The following C12orf42 variants were observed in gnomAD, a reference collection of about 807,000 sequenced individuals.
C12orf42 encodes the protein uncharacterized protein C12orf42.
A neutral mutation model predicts 21.6 loss-of-function variants in C12orf42; 25 were observed. The ratio of observed to expected loss-of-function variants is 1.16; its 90% confidence interval spans 0.84 to 1.62. The LOEUF is 1.62. C12orf42 is among the 40% of genes most tolerant of loss of function. C12orf42 has a pLI of 0.00. For synonymous variants in C12orf42, 174 were observed against 175.0 expected, an observed-to-expected ratio of 0.99 and a Z score of 0.05; for missense variants, 483 against 459.3, an observed-to-expected ratio of 1.05 and a Z score of -0.47.
At chr12:103,232,584 G>A in the C12orf42 span, among the ~76,000 whole-genome samples, 24 of 151,848 alleles carry the variant, frequency 1.6e-4, no homozygotes, top group African/African-American at 5.3e-4. Context: ...GGTGGCAGGC[G>A]CCTGTAGTCC....
chr12:103,283,489 G>T (rs1055139629), intron 4 of C12orf42, among the ~76,000 whole-genome samples: 4 of 152,180 alleles, frequency 2.6e-5, no homozygotes, highest in African/African-American at 9.7e-5. Flanking sequence ...GGCACTTGGG[G>T]TCTGGCCTCC....
the C12orf42 span, among the ~76,000 whole-genome samples, chr12:103,062,942 T>C: frequency 2.0e-5 from 3 of 152,174 alleles, no homozygotes; most frequent in Non-Finnish European, 2.9e-5. Flanking sequence ...CTGCTTAATA[T>C]GATTAGACCG....
chr12:103,480,586 A>T (rs2138052710), intron 1 of C12orf42, among the ~76,000 whole-genome samples: 1 of 151,744 alleles, frequency 6.6e-6, no homozygotes, highest in East Asian at 1.9e-4. Flanking sequence ...TTCTAATACT[A>T]CTTTCCCTGC....
chr12:103,503,424 C>T, the C12orf42 span: 1 of 152,266 alleles, frequency 6.6e-6, no homozygotes, highest in African/African-American at 2.4e-5. Flanking sequence ...AGCCCACAGA[C>T]CCAGCCTGCG....
At chr12:103,458,973 G>A (rs1293975558) in intron 2 of C12orf42, among the ~76,000 whole-genome samples, 1 of 150,922 alleles carries the variant, frequency 6.6e-6, no homozygotes, top group Non-Finnish European at 1.5e-5. Flanking sequence ...AAACGTATTA[G>A]GGGAAACATC....
chr12:103,496,183 G>A (rs1232970772), upstream of C12orf42, among the ~76,000 whole-genome samples: 1 of 152,164 alleles, frequency 6.6e-6, no homozygotes, highest in South Asian at 2.1e-4. Context: ...CTGTTCTTCC[G>A]GGGGCGGCAA....
the C12orf42 span, among the ~76,000 whole-genome samples, chr12:103,202,808 G>A: frequency 3.3e-5 from 5 of 152,172 alleles, no homozygotes; most frequent in East Asian, 1.9e-4. Context: ...CATTGACATA[G>A]TAAGTGGTGA....
chr12:103,434,025 C>A (rs1403327760), intron 2 of C12orf42, among the ~76,000 whole-genome samples: 1 of 152,130 alleles, frequency 6.6e-6, no homozygotes, highest in Non-Finnish European at 1.5e-5. Flanking sequence ...CTCTACCAAA[C>A]ATGGCAGGTT....
the C12orf42 span, among the ~76,000 whole-genome samples, chr12:103,143,946 A>C: frequency 6.6e-6 from 1 of 152,222 alleles, no homozygotes; most frequent in Non-Finnish European, 1.5e-5. Flanking sequence ...ACTGCTGCTA[A>C]TCATCATTAT....
chr12:103,179,170 T>G, the C12orf42 span, among the ~76,000 whole-genome samples: 6 of 152,350 alleles, frequency 3.9e-5, no homozygotes, highest in Admixed American at 6.5e-5. Context: ...CAGTGAACAT[T>G]TTTATTGAAC....
chr12:103,189,077 A>C, the C12orf42 span, among the ~76,000 whole-genome samples: 7 of 152,236 alleles, frequency 4.6e-5, no homozygotes, highest in Non-Finnish European at 7.3e-5. Flanking sequence ...TGTGACTTAC[A>C]AAAGAAACGA....
At chr12:103,343,283 T>G (rs1157592262) in intron 4 of C12orf42, among the ~76,000 whole-genome samples, 1 of 152,204 alleles carries the variant, frequency 6.6e-6, no homozygotes, top group Non-Finnish European at 1.5e-5. Context: ...TTTTTTGCCC[T>G]GATAAAAATA....
chr12:103,495,156 G>T (rs958716331), intron 1 of C12orf42, among the ~76,000 whole-genome samples: 5 of 151,692 alleles, frequency 3.3e-5, no homozygotes, highest in African/African-American at 9.7e-5. Flanking sequence ...TGCAGAACAG[G>T]GGTAAGGAGC....
At chr12:103,205,994 C>T in the C12orf42 span, among the ~76,000 whole-genome samples, 21 of 152,248 alleles carry the variant, frequency 1.4e-4, no homozygotes, top group African/African-American at 5.1e-4. Flanking sequence ...CCTTCTCAGC[C>T]GCTGAGAATA....
the C12orf42 span, among the ~76,000 whole-genome samples, chr12:103,058,405 T>G: frequency 1.3e-5 from 2 of 152,290 alleles, no homozygotes; most frequent in South Asian, 2.1e-4. Context: ...TTGCAAAAAT[T>G]TTCTCCCATT....
At chr12:103,528,025 T>A in the C12orf42 span, among the ~76,000 whole-genome samples, 435 of 152,324 alleles carry the variant, frequency 2.9e-3, 1 homozygote, top group African/African-American at 1.0e-2. Flanking sequence ...ATATTTTCTA[T>A]CCCCAAATTG....
the C12orf42 span, among the ~76,000 whole-genome samples, chr12:103,518,348 GAAAT>G: frequency 6.6e-6 from 1 of 152,186 alleles, no homozygotes; most frequent in African/African-American, 2.4e-5. Context: ...ATTCTCTAGT[GAAAT>G]GTCACTACCA....
intron 3 of C12orf42, among the ~76,000 whole-genome samples, chr12:103,375,325 A>G (rs2045601857): frequency 6.6e-6 from 1 of 152,206 alleles, no homozygotes; most frequent in African/African-American, 2.4e-5. Flanking sequence ...TAGATGTACT[A>G]AAATTTACAT....
intron 2 of C12orf42, among the ~76,000 whole-genome samples, chr12:103,451,639 G>T (rs1016652981): frequency 5.3e-5 from 8 of 152,032 alleles, no homozygotes; most frequent in African/African-American, 1.7e-4. Flanking sequence ...ACAGTTTGGG[G>T]CAATCAGCTG....
Sources: gnomAD v4.1 joint callset for allele counts (sites outside exome capture counted in the v4.1 genomes callset) on GRCh38, gnomAD v4.1.1 for gene constraint, MANE v1.5 for transcripts, NCBI Gene and HGNC (gene_info 2026-07-23, HGNC 2026-07-21) for gene names.